Variants in SORCS2 observed in about 807,000 individuals in gnomAD.
SORCS2 encodes VPS10 domain-containing receptor SorCS2.
A neutral mutation model predicts 141.6 loss-of-function variants in SORCS2; 100 were observed. That is an observed-to-expected ratio of 0.71 (90% CI 0.60 to 0.83). SORCS2 has a LOEUF of 0.83. Ranked by LOEUF, SORCS2 falls within the 40% of genes least tolerant of loss-of-function variation. The pLI is 0.00. For missense variants in SORCS2, 1,646 were observed against 1,560.2 expected (o/e 1.05, Z -0.93); for synonymous variants, 789 against 676.9 (o/e 1.17, Z -2.57).
At chr4:7,347,345 G>T (rs146876437) in intron 1 of SORCS2, among the ~76,000 whole-genome samples, 6 of 152,202 alleles carry the variant, frequency 3.9e-5, no homozygotes, top group Non-Finnish European at 7.3e-5. Context: ...ATCCATTTAC[G>T]ATAGAATTCC....
At chr4:7,694,670 C>A (rs1039413794) in intron 11 of SORCS2, among the ~76,000 whole-genome samples, 1 of 152,216 alleles carries the variant, frequency 6.6e-6, no homozygotes, top group Non-Finnish European at 1.5e-5. Context: ...CTCCTCCCTG[C>A]TGCTTCTTCT....
chr4:7,454,908 A>G (rs1254643325), intron 2 of SORCS2, among the ~76,000 whole-genome samples: 16 of 57,818 alleles, frequency 2.8e-4, no homozygotes, highest in Non-Finnish European at 3.5e-4. Context: ...GGGGTCAGGC[A>G]CTGTGTTGGG....
At chr4:7,275,005 G>A (rs918835052) in intron 1 of SORCS2, among the ~76,000 whole-genome samples, 7 of 152,190 alleles carry the variant, frequency 4.6e-5, no homozygotes, top group Admixed American at 1.3e-4. Flanking sequence ...CAGCACCTGG[G>A]CTGTCACCAC....
At chr4:7,533,598 G>GGT (rs1170634171) in intron 3 of SORCS2, among the ~76,000 whole-genome samples, 6 of 152,220 alleles carry the variant, frequency 3.9e-5, no homozygotes, top group Non-Finnish European at 8.8e-5. Context: ...GGGATGTGAT[G>GGT]GTACCTCCAG....
chr4:7,370,939 C>T (rs555688828), intron 1 of SORCS2, among the ~76,000 whole-genome samples: 20 of 152,304 alleles, frequency 1.3e-4, no homozygotes, highest in African/African-American at 4.3e-4. Flanking sequence ...CCTGTGGGGT[C>T]CCCCTGTCTA....
chr4:7,637,329 CCCTGGGGACCCCCGG>C (rs1437255853), intron 3 of SORCS2, among the ~76,000 whole-genome samples: 1 of 152,008 alleles, frequency 6.6e-6, no homozygotes, highest in Non-Finnish European at 1.5e-5. Context: ...GCCCTGAGTT[CCCTGGGGACCCCCGG>C]CTCAGCGTTC....
chr4:7,689,496 A>C lies in SORCS2; in HGVS notation c.1499A>C (p.His500Pro). 6.3e-7 allele frequency: 1 copy of C among 1,594,578 alleles called. No individual in the cohort carries two copies. Among genetic ancestry groups the C allele is most frequent in the South Asian group, 1.1e-5 (1 of 87,796 alleles). ...KPTNCKPPDC[H>P]LHLHLRWADN... ...TTCTCTTCCTTGCAGCCAGACTGCCACCTGCACCTGCACCTGCGCTGGGCA... is the reference window on the plus strand; with the variant it reads ...TTCTCTTCCTTGCAGCCAGACTGCCCCCTGCACCTGCACCTGCGCTGGGCA... Residue 500 changes from histidine to proline, a missense_variant, in exon 11 of 27, where the codon CAC becomes CCC. Physicochemically the swap from His to Pro is moderately conservative, Grantham distance 77 (BLOSUM62 -2). Transcript: ENST00000507866.
intron 1 of SORCS2, among the ~76,000 whole-genome samples, chr4:7,276,593 A>G (rs4689674): frequency 0.81 from 122,685 of 152,040 alleles, 49,842 homozygotes; most frequent in African/African-American, 0.89. Flanking sequence ...CGGGAAACGC[A>G]CTGGAAACTC....
At chr4:7,456,938 G>C (rs534785662) in intron 2 of SORCS2, among the ~76,000 whole-genome samples, 78 of 152,172 alleles carry the variant, frequency 5.1e-4, no homozygotes, top group African/African-American at 1.8e-3. Flanking sequence ...CCCCTGGTTG[G>C]GTGCACGCAG....
At chr4:7,659,753 G>A (rs1722030463) in intron 5 of SORCS2, among the ~76,000 whole-genome samples, 1 of 152,220 alleles carries the variant, frequency 6.6e-6, no homozygotes, top group Non-Finnish European at 1.5e-5. Flanking sequence ...GAAGAGCCTT[G>A]GACAAAGGGG....
chr4:7,575,002 CAG>C (rs1715653836), intron 3 of SORCS2, among the ~76,000 whole-genome samples: 1 of 152,218 alleles, frequency 6.6e-6, no homozygotes, highest in African/African-American at 2.4e-5. Context: ...GTGAAGGGGA[CAG>C]AGAGATATCT....
At chr4:7,606,155 A>T (rs1422241540) in intron 3 of SORCS2, among the ~76,000 whole-genome samples, 1 of 152,080 alleles carries the variant, frequency 6.6e-6, no homozygotes, top group Non-Finnish European at 1.5e-5. Flanking sequence ...TTTAAGACTG[A>T]GTTTCAGTGC....
At chr4:7,708,467 G>A (rs898340337) in intron 14 of SORCS2, among the ~76,000 whole-genome samples, 2 of 152,114 alleles carry the variant, frequency 1.3e-5, no homozygotes, top group African/African-American at 4.8e-5. Flanking sequence ...GGTGGGTCCC[G>A]CTGGCCGGCC....
intron 3 of SORCS2, among the ~76,000 whole-genome samples, chr4:7,535,164 C>T (rs536897312): frequency 2.6e-5 from 4 of 152,338 alleles, no homozygotes; most frequent in African/African-American, 9.6e-5. Context: ...TGCCCACCTC[C>T]TCACCACAGG....
intron 1 of SORCS2, among the ~76,000 whole-genome samples, chr4:7,311,563 G>C (rs1034232237): frequency 2.0e-5 from 3 of 152,204 alleles, no homozygotes; most frequent in Non-Finnish European, 4.4e-5. Flanking sequence ...GAAGACTTTA[G>C]AGTCGTGTTT....
chr4:7,289,012 T>G (rs1451571813), intron 1 of SORCS2, among the ~76,000 whole-genome samples: 1 of 151,796 alleles, frequency 6.6e-6, no homozygotes, highest in Non-Finnish European at 1.5e-5. Context: ...GTCACAGTCT[T>G]CTAGGTTGAC....
chr4:7,214,832 T>A (rs568248238), intron 1 of SORCS2, among the ~76,000 whole-genome samples: 2 of 152,332 alleles, frequency 1.3e-5, no homozygotes, highest in East Asian at 3.9e-4. Flanking sequence ...GAAGGACGCC[T>A]GTCTTTGCTG....
At chr4:7,462,520 C>T (rs997411409) in intron 2 of SORCS2, among the ~76,000 whole-genome samples, 2 of 152,086 alleles carry the variant, frequency 1.3e-5, no homozygotes, top group East Asian at 1.9e-4. Flanking sequence ...ACTCCAGAGA[C>T]GTTGGCTCTA....
At chr4:7,589,332 A>C (rs7683873) in intron 3 of SORCS2, among the ~76,000 whole-genome samples, 9,769 of 152,234 alleles carry the variant, frequency 0.064, 1,116 homozygotes, top group African/African-American at 0.22. Context: ...CGATGATACC[A>C]ACAGCAGCAG....
Sources: allele counts gnomAD v4.1 joint callset (sites outside exome capture counted in the v4.1 genomes callset), GRCh38; gene constraint gnomAD v4.1.1; transcripts MANE v1.5; gene names NCBI Gene and HGNC (gene_info 2026-07-23, HGNC 2026-07-21).